Variants in ZNF592 observed in about 807,000 individuals in gnomAD.
ZNF592 encodes zinc finger protein 592.
Under a neutral mutation model 80.3 loss-of-function variants are expected in ZNF592, and 11 were observed. The ratio of observed to expected loss-of-function variants is 0.14; its 90% CI spans 0.09 to 0.23. The LOEUF (loss-of-function observed/expected upper bound fraction) is 0.23. Among genes scored for constraint, ZNF592 ranks in the 10% least tolerant of loss-of-function variants. The pLI, the probability that ZNF592 is intolerant of heterozygous loss-of-function variation, is 1.00. For missense variants in ZNF592, 1,420 were observed against 1,633.9 expected, an observed-to-expected ratio of 0.87 and a Z score of 2.26; for synonymous variants, 646 against 640.3, an observed-to-expected ratio of 1.01 and a Z score of -0.13.
At chr15:84,759,666 T>C (rs1472303332) in intron 1 of ZNF592, among the ~76,000 whole-genome samples, 1 of 152,160 alleles carries the variant, frequency 6.6e-6, no homozygotes, top group East Asian at 1.9e-4. Context: ...CAGGAATTAA[T>C]TAAGTCAACT....
At chr15:84,761,641 C>CA (rs1899353704) in intron 1 of ZNF592, among the ~76,000 whole-genome samples, 2 of 152,284 alleles carry the variant, frequency 1.3e-5, no homozygotes, top group African/African-American at 4.8e-5. Flanking sequence ...TGGGGGTAAG[C>CA]AGGCAATAGT....
At chr15:84,785,451 C>T (rs1448229896) in intron 4 of ZNF592, among the ~76,000 whole-genome samples, 1 of 151,972 alleles carries the variant, frequency 6.6e-6, no homozygotes, top group Admixed American at 6.6e-5. Flanking sequence ...AGCTAGGACT[C>T]CAGGCATGTG....
intron 5 of ZNF592, among the ~76,000 whole-genome samples, chr15:84,794,640 C>G (rs1471008036): frequency 6.6e-6 from 1 of 152,122 alleles, no homozygotes; most frequent in Non-Finnish European, 1.5e-5. Context: ...CCATTCCTGG[C>G]TAATTTTTGT....
chr15:84,778,391 C>T (rs1962324934), intron 3 of ZNF592, 79 bp downstream of exon 3: 1 of 155,172 alleles, frequency 6.4e-6, no homozygotes, highest in South Asian at 1.7e-4. Flanking sequence ...GCATGTAATT[C>T]ACGTAGCCCG....
chr15:84,748,880 C>T (rs1898928392), intron 1 of ZNF592, among the ~76,000 whole-genome samples: 2 of 148,740 alleles, frequency 1.3e-5, no homozygotes, highest in Non-Finnish European at 3.0e-5. Flanking sequence ...CCCCGGCCGT[C>T]GGGCGCCGGC....
rs1290131625 is a variant in ZNF592 at position 84,782,693 on chromosome 15, C to G, written c.18C>G (p.Thr6=). MGDMK[T]PDFDDLLAAF... is the part of the protein sequence containing the mutation. ...ATCCAGCCATGGGGGATATGAAAACCCCAGATTTTGATGACCTTCTGGCTG... is the reference window on the plus strand; with the variant it reads ...ATCCAGCCATGGGGGATATGAAAACGCCAGATTTTGATGACCTTCTGGCTG... Residue 6 remains threonine (T), a synonymous_variant, in exon 4 of 11, where the codon ACC becomes ACG. Coordinates refer to ENST00000560079, the MANE Select transcript of ZNF592 (RefSeq NM_014630.3). The G allele has an allele frequency of 6.2e-7, 1 of 1,613,912 alleles. No homozygotes were observed. The highest frequency in any genetic ancestry group is 1.3e-5 in the African/African-American group (1 of 74,842).
Position 84,777,694 on chromosome 15 carries a change from C to CCTTTTTTTTTTT in ZNF592, c.-149-489_-149-488insCTTTTTTTTTTT, listed in dbSNP as rs1432630650. On this transcript the variant is annotated intron_variant, in intron 2 of 10. Transcript: ENST00000560079. Reference sequence around the variant, plus strand: ...GAAAATAATTTCGTCTGTTGAGATACTTTTTTTTTTTTTTTTTTTTTTTGA... The same window carrying CCTTTTTTTTTTT: ...GAAAATAATTTCGTCTGTTGAGATACCTTTTTTTTTTTTTTTTTTTTTTTTTTTTTTTTTTGA... Among the ~76,000 whole-genome samples the CCTTTTTTTTTTT allele has an allele frequency of 9.1e-5, 9 of 98,414 alleles. 4 individuals carry two copies. Among genetic ancestry groups the CCTTTTTTTTTTT allele is most frequent in the African/African-American group, 1.5e-4 (4 of 26,418 alleles). The allele number at this position is 98,414 out of a possible 152,430, so 64.6% of individuals were successfully genotyped here. A position where few individuals can be genotyped will look rare whatever the true frequency, so the allele number is the denominator to read the frequency against.
At position 84,799,144 on chromosome 15, in the gene ZNF592, C is replaced by T. The variant is rs765763521; in HGVS notation, c.3071C>T (p.Thr1024Ile). The T allele has an allele frequency of 1.2e-6, 2 of 1,614,164 alleles. No individual in the cohort carries two copies. Among genetic ancestry groups the T allele is most frequent in the African/African-American group, 1.3e-5 (1 of 75,030 alleles). The change falls in exon 9 of 11, where the codon ACC becomes ATC. Residue 1024 changes from threonine to isoleucine, a missense_variant. By Grantham distance (89) the Thr-to-Ile change is moderately conservative. Around this residue, in one of 7 missense-constraint regions of ZNF592, gnomAD observed 331 missense variants for 347.0 expected, o/e 0.95. Coordinates refer to ENST00000560079, the MANE Select transcript of ZNF592 (RefSeq NM_014630.3). This position sits in a 1 kb window ranked among gnomAD's most constrained non-coding sequence, Gnocchi z 4.2. ...PCRQCEQSFH[T>I]PNSLRKHIRN... ...CGGCAGTGTGAACAGTCCTTCCACA[C>T]CCCCAACAGCCTGCGCAAACACATC...
At chr15:84,768,230 CTTTTTTT>C (rs995969490) in intron 2 of ZNF592, among the ~76,000 whole-genome samples, 4 of 122,338 alleles carry the variant, frequency 3.3e-5, no homozygotes. Flanking sequence ...TTCTTTCTTT[CTTTTTTT>C]TTTTTTTTTT....
intron 1 of ZNF592, among the ~76,000 whole-genome samples, chr15:84,756,211 A>G (rs1702338348): frequency 6.6e-6 from 1 of 152,208 alleles, no homozygotes; most frequent in Admixed American, 6.5e-5. Flanking sequence ...ACTAGGGGCA[A>G]GGTGGAGGGC....
At chr15:84,800,037 G>A (rs554268070) in intron 10 of ZNF592, 60 bp downstream of exon 10, 3 of 1,612,828 alleles carry the variant, frequency 1.9e-6, no homozygotes, top group Non-Finnish European at 2.5e-6. Context: ...GAGCTGGAAG[G>A]GCATTAGGAA....
At chr15:84,749,858 C>T (rs1898961738) in intron 1 of ZNF592, among the ~76,000 whole-genome samples, 1 of 152,190 alleles carries the variant, frequency 6.6e-6, no homozygotes, top group Non-Finnish European at 1.5e-5. Flanking sequence ...GATCATTTTC[C>T]AATTTTTCAA....
chr15:84,748,757 G>T (rs2141953160), intron 1 of ZNF592, 93 bp downstream of exon 1: 1 of 147,338 alleles, frequency 6.8e-6, no homozygotes, highest in South Asian at 2.0e-4. Flanking sequence ...GACCGAGTCC[G>T]AGCCCGAGCC....
Position 84,806,224 on chromosome 15 carries a change from G to A in ZNF592, c.*3831G>A, listed in dbSNP as rs905738388. The stretch of plus-strand genomic sequence containing the variant: ...TAGAATGTGTCCTCCTGACTAAGGG[G>A]TTCAGGATACTGTTCACCTTCTCCA... On this transcript the variant is annotated 3_prime_UTR_variant, in exon 11 of 11. Coordinates refer to ENST00000560079, the MANE Select transcript of ZNF592 (RefSeq NM_014630.3). The A allele has an allele frequency of 3.9e-5, 6 of 152,192 alleles. No individual in the cohort carries two copies. The highest frequency in any genetic ancestry group is 5.9e-5 in the Non-Finnish European group (4 of 68,034). The allele number at this position is 152,192 out of a possible 1,614,324, so 9.4% of individuals were successfully genotyped here. A position where few individuals can be genotyped will look rare whatever the true frequency, so the allele number is the denominator to read the frequency against.
rs1283218160 is a variant in ZNF592 at position 84,784,616 on chromosome 15, G to T, written c.1941G>T (p.Gln647His). The T allele has an allele frequency of 6.2e-7, 1 of 1,614,222 alleles. No homozygotes were observed. The highest frequency in any genetic ancestry group is 2.2e-5 in the East Asian group (1 of 44,888). ...RDHKSKGLVM[Q>H]CSQLLVKPIS... is the part of the protein sequence containing the mutation. ...ACAAGAGCAAGGGGCTCGTCATGCAGTGTTCCCAGCTGCTGGTGAAGCCTA... is the reference window on the plus strand; with the variant it reads ...ACAAGAGCAAGGGGCTCGTCATGCATTGTTCCCAGCTGCTGGTGAAGCCTA... The change falls in exon 4 of 11, where the codon CAG becomes CAT. Residue 647 changes from glutamine (Q) to histidine (H), a missense_variant. By Grantham distance (24) the Gln-to-His change is conservative. Transcript: ENST00000560079. This position sits in a 1 kb window ranked among gnomAD's most constrained non-coding sequence, Gnocchi z 5.8.
Position 84,784,502 on chromosome 15 carries a change from G to A in ZNF592, c.1827G>A (p.Arg609=), listed in dbSNP as rs758665440. 5.0e-6 allele frequency: 8 copies of A among 1,614,182 alleles called. No homozygotes were observed. The South Asian group carries it at 8.8e-5, about 18-fold the overall frequency. Residue 609 remains arginine, a synonymous_variant, in exon 4 of 11, where the codon CGG becomes CGA. Transcript: ENST00000560079. This position sits in a 1 kb window ranked among gnomAD's most constrained non-coding sequence, Gnocchi z 5.8. ...GCCTGAGCCAGCACTATGGCCGGCG[G>A]AGCGTCCACATTGAGGTACTGTGCA... ...EKSLSQHYGR[R]SVHIEVLCTL...
intron 1 of ZNF592, among the ~76,000 whole-genome samples, chr15:84,752,559 AG>A (rs1899043958): frequency 6.6e-6 from 1 of 152,176 alleles, no homozygotes; most frequent in Non-Finnish European, 1.5e-5. Flanking sequence ...GAGCCATGGT[AG>A]CCCCCAGTGT....
chr15:84,782,856 C>T lies in ZNF592; in HGVS notation c.181C>T (p.Pro61Ser), dbSNP rs753953290. 2 of 1,614,136 alleles carry T rather than the reference C, an allele frequency of 1.2e-6. No homozygotes were observed. Among genetic ancestry groups the T allele is most frequent in the Non-Finnish European group, 1.7e-6 (2 of 1,180,032 alleles). ...SVSLSHSGSAPDVPAVSVIVK... is the reference protein window; with the variant it reads ...SVSLSHSGSASDVPAVSVIVK... ...GTCCTTGTCTCACTCAGGATCAGCC[C>T]CCGATGTGCCGGCCGTGAGTGTCAT... is the stretch of plus-strand genomic sequence containing the variant. Residue 61 changes from proline (P) to serine (S), a missense_variant, in exon 4 of 11, where the codon CCC (proline) becomes TCC (serine). Pro to Ser is a moderately conservative substitution (Grantham distance 74, BLOSUM62 -1). Transcript: ENST00000560079.
intron 1 of ZNF592, chr15:84,753,172 G>A (rs1222947808): frequency 1.3e-5 from 2 of 152,204 alleles, no homozygotes; most frequent in South Asian, 2.1e-4. Context: ...AATGGGACGA[G>A]TAATAGAAAT....
Sources: gnomAD v4.1 joint callset for allele counts (sites outside exome capture counted in the v4.1 genomes callset) on GRCh38, gnomAD v4.1.1 for gene constraint, gnomAD v4.1.1 regional missense constraint, Gnocchi (gnomAD v3.1) non-coding constraint, MANE v1.5 for transcripts, NCBI Gene and HGNC (gene_info 2026-07-23, HGNC 2026-07-21) for gene names.